The following EPM2A variants were observed in gnomAD, a reference collection of about 807,000 sequenced individuals.
EPM2A encodes EPM2A glucan phosphatase, laforin, also known as laforin.
EPM2A carries 21 observed loss-of-function variants against 26.5 expected under a neutral mutation model. The ratio of observed to expected loss-of-function variants is 0.79; its 90% CI spans 0.56 to 1.14. The LOEUF (loss-of-function observed/expected upper bound fraction) is 1.14, where lower values mean the gene tolerates loss of function less well. Among genes scored for constraint, EPM2A ranks in the 50% most tolerant of loss-of-function variants. EPM2A has a pLI of 0.00. For synonymous variants in EPM2A, 217 were observed against 177.6 expected, an observed-to-expected ratio of 1.22 and a Z score of -1.76; for missense variants, 458 against 440.8, an observed-to-expected ratio of 1.04 and a Z score of -0.35.
chr6:145,465,768 T>C (rs982700098), intron 4 of EPM2A, among the ~76,000 whole-genome samples: 1 of 152,124 alleles, frequency 6.6e-6, no homozygotes, highest in Non-Finnish European at 1.5e-5. Context: ...CAAAACAGCA[T>C]GGTACTGGTA....
chr6:145,481,035 C>T (rs1779606403), intron 4 of EPM2A, among the ~76,000 whole-genome samples: 2 of 152,064 alleles, frequency 1.3e-5, no homozygotes, highest in African/African-American at 4.8e-5. Flanking sequence ...TGGGAACAAT[C>T]TAGCCCCTTA....
chr6:145,422,708 T>C (rs1468716482), intron 4 of EPM2A, among the ~76,000 whole-genome samples: 2 of 152,112 alleles, frequency 1.3e-5, no homozygotes, highest in African/African-American at 4.8e-5. Flanking sequence ...TTGATTTTTT[T>C]CTCAGTTTTA....
intron 2 of EPM2A, among the ~76,000 whole-genome samples, chr6:145,592,254 T>A (rs1262087539): frequency 6.8e-6 from 1 of 146,704 alleles, no homozygotes; most frequent in Non-Finnish European, 1.5e-5. Flanking sequence ...AGTGAGAACA[T>A]GCGGTGTTTG....
intron 1 of EPM2A, among the ~76,000 whole-genome samples, chr6:145,725,244 A>G (rs907093573): frequency 1.3e-5 from 2 of 152,082 alleles, no homozygotes; most frequent in Non-Finnish European, 2.9e-5. Context: ...ACAATGAGAT[A>G]CCACTATGCA....
chr6:145,523,420 T>C (rs978167311), intron 2 of EPM2A, among the ~76,000 whole-genome samples: 1 of 152,200 alleles, frequency 6.6e-6, no homozygotes, highest in African/African-American at 2.4e-5. Flanking sequence ...TCCAACAGCA[T>C]GTGCTCACTC....
At chr6:145,544,854 C>A (rs1158373861) in intron 2 of EPM2A, among the ~76,000 whole-genome samples, 1 of 152,060 alleles carries the variant, frequency 6.6e-6, no homozygotes, top group South Asian at 2.1e-4. Context: ...AGGGTAGGAC[C>A]CCTGACTAAC....
intron 1 of EPM2A, among the ~76,000 whole-genome samples, chr6:145,707,478 A>G (rs769008015): frequency 2.0e-5 from 3 of 152,166 alleles, no homozygotes; most frequent in Non-Finnish European, 4.4e-5. Flanking sequence ...AGCTCCCATA[A>G]TTTCCATGTG....
intron 3 of EPM2A, 167 bp from the exon 4 acceptor site, chr6:145,627,860 CA>C (rs1775944673): frequency 1.1e-6 from 1 of 942,916 alleles, no homozygotes; most frequent in Non-Finnish European, 1.6e-6. Context: ...GACCATTTTA[CA>C]ATCTGCTAAT....
intron 4 of EPM2A, among the ~76,000 whole-genome samples, chr6:145,422,154 T>G (rs1192277214): frequency 1.4e-5 from 2 of 146,054 alleles, no homozygotes; most frequent in East Asian, 3.9e-4. Flanking sequence ...TATATTAATA[T>G]AAAATATATT....
chr6:145,630,125 T>C (rs1157157424), intron 3 of EPM2A: 1 of 152,206 alleles, frequency 6.6e-6, no homozygotes, highest in Non-Finnish European at 1.5e-5. Context: ...ATGTGTTAGT[T>C]TGAGGTTCTG....
chr6:145,605,567 CA>C, intron 2 of EPM2A, among the ~76,000 whole-genome samples: 1 of 152,066 alleles, frequency 6.6e-6, no homozygotes, highest in South Asian at 2.1e-4. Flanking sequence ...CTGTAAATCT[CA>C]AAAAGGAATG....
At chr6:145,519,908 G>T (rs1780180586) in intron 2 of EPM2A, among the ~76,000 whole-genome samples, 1 of 152,158 alleles carries the variant, frequency 6.6e-6, no homozygotes, top group African/African-American at 2.4e-5. Context: ...TTAGTAAATT[G>T]CAGAGGAGGA....
chr6:145,588,397 G>C (rs1282981320), intron 2 of EPM2A, among the ~76,000 whole-genome samples: 1 of 152,068 alleles, frequency 6.6e-6, no homozygotes, highest in East Asian at 1.9e-4. Flanking sequence ...TTCTTCATTT[G>C]GAACATGTTT....
Position 145,627,485 on chromosome 6 carries a change from G to C in EPM2A, c.927C>G (p.Ala309=), listed in dbSNP as rs1181128980. The change falls in exon 4 of 4, where the codon GCC becomes GCG. Residue 309 remains alanine, a synonymous_variant. Transcript: ENST00000367519. ...KRPAVYIDEE[A]LARAQEDFFQ... is the part of the protein sequence containing the mutation. Reference sequence around the variant, plus strand: ...AAAAATCTTCTTGTGCCCGGGCCAAGGCCTCTTCGTCAATGTAGACAGCCG... The same window carrying C: ...AAAAATCTTCTTGTGCCCGGGCCAACGCCTCTTCGTCAATGTAGACAGCCG... 3.1e-6 allele frequency: 5 copies of C among 1,614,134 alleles called. No individual in the cohort carries two copies. In the South Asian group the frequency reaches 4.4e-5, roughly 14 times the overall value.
chr6:145,679,483 A>C (rs1780338696), intron 2 of EPM2A, among the ~76,000 whole-genome samples: 1 of 151,978 alleles, frequency 6.6e-6, no homozygotes, highest in Non-Finnish European at 1.5e-5. Context: ...AAAGACAAGA[A>C]AATTGAAAAC....
At chr6:145,582,432 T>C (rs879278523) in intron 2 of EPM2A, among the ~76,000 whole-genome samples, 3 of 152,022 alleles carry the variant, frequency 2.0e-5, no homozygotes, top group Admixed American at 2.0e-4. Flanking sequence ...GCATGAGGAG[T>C]TCTGTAGATG....
chr6:145,679,464 C>A (rs114648975), intron 2 of EPM2A, among the ~76,000 whole-genome samples: 7,713 of 150,396 alleles, frequency 0.051, 656 homozygotes, highest in African/African-American at 0.17. Flanking sequence ...AAAAGAAATG[C>A]AAAATATAAA....
At chr6:145,449,988 G>T (rs1186798850) in intron 4 of EPM2A, among the ~76,000 whole-genome samples, 1 of 151,808 alleles carries the variant, frequency 6.6e-6, no homozygotes, top group East Asian at 1.9e-4. Flanking sequence ...CCAAATGAAA[G>T]AATATTATAT....
chr6:145,595,412 T>TAA (rs543385559), intron 2 of EPM2A, among the ~76,000 whole-genome samples: 1 of 145,426 alleles, frequency 6.9e-6, no homozygotes. Flanking sequence ...ATCTTTTACT[T>TAA]AAAAAAAAAA....
Sources: gnomAD v4.1 joint callset for allele counts (sites outside exome capture counted in the v4.1 genomes callset) on GRCh38, gnomAD v4.1.1 for gene constraint, MANE v1.5 for transcripts, NCBI Gene and HGNC (gene_info 2026-07-23, HGNC 2026-07-21) for gene names.